The following ANKRD17 variants were observed in gnomAD, a reference collection of about 807,000 sequenced individuals.
The protein encoded by ANKRD17 is ankyrin repeat domain 17.
In ANKRD17, 19 loss-of-function variants were observed where a neutral mutation model predicts 229.7. That is an observed-to-expected ratio of 0.08 (90% CI 0.06 to 0.12). The LOEUF (loss-of-function observed/expected upper bound fraction) is 0.12. Among genes scored for constraint, ANKRD17 ranks in the 10% least tolerant of loss-of-function variants. The probability of loss-of-function intolerance (pLI) is 1.00; values close to 1 mark genes in which losing one functional copy is unlikely to be tolerated. For missense variants in ANKRD17, 2,176 were observed against 3,176.8 expected, an observed-to-expected ratio of 0.68 and a Z score of 7.57; for synonymous variants, 1,112 against 1,146.1, an observed-to-expected ratio of 0.97 and a Z score of 0.60.
At chr4:73,160,741 A>G in intron 3 of ANKRD17, among the ~76,000 whole-genome samples, 1 of 152,340 alleles carries the variant, frequency 6.6e-6, no homozygotes, top group East Asian at 1.9e-4. Context: ...ACTTCTTTTA[A>G]GACTTCAGAA....
intron 27 of ANKRD17, among the ~76,000 whole-genome samples, chr4:73,095,127 T>C (rs1723161393): frequency 6.6e-6 from 1 of 151,720 alleles, no homozygotes; most frequent in Non-Finnish European, 1.5e-5. Context: ...TGGACTGAGA[T>C]TGCACCACTG....
In ANKRD17 at chr4:73,225,973, C is replaced by CTTT. The variant is rs754977999; in HGVS notation, c.393+32300_393+32302dup. On this transcript the variant is annotated intron_variant, in intron 1 of 33. Coordinates refer to ENST00000358602, the MANE Select transcript of ANKRD17 (RefSeq NM_032217.5). ...CTCTGGCATAGAGCAGGCTCTTAAGCTTTTTTTTTTTTTTTTTTTTGAGGC... is the reference window on the plus strand; with the variant it reads ...CTCTGGCATAGAGCAGGCTCTTAAGCTTTTTTTTTTTTTTTTTTTTTTTGAGGC... Among the ~76,000 whole-genome samples, 148 of 92,580 alleles carry CTTT rather than the reference C, an allele frequency of 1.6e-3. 3 individuals carry two copies. Among genetic ancestry groups the CTTT allele is most frequent in the African/African-American group, 2.1e-3 (49 of 23,434 alleles). 60.7% of individuals were successfully genotyped at this position (92,580 alleles called of 152,430 possible).
rs151004505 is a variant in ANKRD17 at position 73,213,985 on chromosome 4, A to G, written c.394-36452T>C. The stretch of plus-strand genomic sequence containing the variant: ...AATATTTCATATATCTGTTTCACTT[A>G]CCACTTAATATTACTCCACAAGCAA... On this transcript the variant is annotated intron_variant, in intron 1 of 33. Transcript: ENST00000358602. Among the ~76,000 whole-genome samples the G allele has an allele frequency of 2.1e-3, 322 of 152,318 alleles. 1 individual carries two copies. The highest frequency in any genetic ancestry group is 6.2e-3 in the South Asian group (30 of 4,832).
At chr4:73,188,096 G>A (rs1044133215) in intron 1 of ANKRD17, among the ~76,000 whole-genome samples, 1 of 151,602 alleles carries the variant, frequency 6.6e-6, no homozygotes, top group Non-Finnish European at 1.5e-5. Flanking sequence ...TCAAAATGAA[G>A]AAATTATACA....
chr4:73,258,622 CCTT>C lies in ANKRD17; in HGVS notation c.44_46del (p.Glu15del). The C allele has an allele frequency of 2.7e-6, 4 of 1,486,546 alleles. No individual in the cohort carries two copies. The highest frequency in any genetic ancestry group is 1.3e-5 in the South Asian group (1 of 78,774). The allele number at this position is 1,486,546 out of a possible 1,614,324, so 92.1% of individuals were successfully genotyped here. A position where few individuals can be genotyped will look rare whatever the true frequency, so the allele number is the denominator to read the frequency against. Reference sequence around the variant, plus strand: ...CGCCACCGCCGGGGGGCTCCCTTCTCCTTCTGCAGCCGTCGCCGCCGCCACCGG... The same window carrying C: ...CGCCACCGCCGGGGGGCTCCCTTCTCCTGCAGCCGTCGCCGCCGCCACCGG... On this transcript the variant is annotated inframe_deletion, in exon 1 of 34. Transcript: ENST00000358602.
Position 73,085,351 on chromosome 4 carries a change from C to T in ANKRD17, c.7057G>A (p.Gly2353Arg), listed in dbSNP as rs139173196. Residue 2353 changes from glycine (G) to arginine (R), a missense_variant, in exon 30 of 34, where the codon GGA (glycine) becomes AGA (arginine). Physicochemically the swap from Gly to Arg is moderately radical, Grantham distance 125 (BLOSUM62 -2). Coordinates refer to ENST00000358602, the MANE Select transcript of ANKRD17 (RefSeq NM_032217.5). ...GCTCCTCCAAGGGGTGCCCCAGGTCCGTACATCTGACCTCCTGAAATGTTT... is the reference window on the plus strand; with the variant it reads ...GCTCCTCCAAGGGGTGCCCCAGGTCTGTACATCTGACCTCCTGAAATGTTT... ...ASNISGGQMY[G>R]PGAPLGGAPA... The T allele has an allele frequency of 2.5e-5, 40 of 1,614,018 alleles. No individual in the cohort carries two copies. The highest frequency in any genetic ancestry group is 4.5e-5 in the East Asian group (2 of 44,858).
Position 73,091,393 on chromosome 4 carries a change from C to T in ANKRD17, c.6235G>A (p.Ala2079Thr). 1.9e-6 allele frequency: 3 copies of T among 1,614,162 alleles called. No individual in the cohort carries two copies. Among genetic ancestry groups the T allele is most frequent in the Admixed American group, 1.7e-5 (1 of 60,030 alleles). The change falls in exon 29 of 34, where the codon GCA becomes ACA. Residue 2079 changes from alanine to threonine, a missense_variant. Ala to Thr is a moderately conservative substitution (Grantham distance 58, BLOSUM62 0). Transcript: ENST00000358602. The stretch of plus-strand genomic sequence containing the variant: ...GTTTCTACTACTGGTGGACTACCTG[C>T]TTCCTGTTCGGAGGAAGATGCCACT... ...NKVASSSEQEAGSPPVVETTN... is the reference protein window; with the variant it reads ...NKVASSSEQETGSPPVVETTN...
At chr4:73,150,578 T>C (rs1248322981) in intron 7 of ANKRD17, among the ~76,000 whole-genome samples, 2 of 152,154 alleles carry the variant, frequency 1.3e-5, no homozygotes, top group African/African-American at 2.4e-5. Context: ...AACACTAAGA[T>C]GGCAATAAGG....
Position 73,258,515 on chromosome 4 carries a change from G to A in ANKRD17, c.154C>T (p.Arg52Cys), listed in dbSNP as rs1326725305. Residue 52 changes from arginine to cysteine, a missense_variant, in exon 1 of 34, where the codon CGT becomes TGT. By Grantham distance (180) the Arg-to-Cys change is radical. Around this residue, in one of 18 missense-constraint regions of ANKRD17, gnomAD observed 196 missense variants for 190.0 expected, o/e 1.03. Coordinates refer to ENST00000358602, the MANE Select transcript of ANKRD17 (RefSeq NM_032217.5). ...SSRARSASSP[R>C]GMVRVCDLLL... ...AGGTCGCAGACTCGCACCATCCCAC[G>A]AGGAGACGAGGCCGAGCGAGCTCTG... 41 of 1,545,208 alleles carry A rather than the reference G, an allele frequency of 2.7e-5. No homozygotes were observed. Among genetic ancestry groups the A allele is most frequent in the Admixed American group, 5.9e-5 (3 of 51,160 alleles).
intron 1 of ANKRD17, among the ~76,000 whole-genome samples, chr4:73,257,441 C>A (rs1745551926): frequency 6.6e-6 from 1 of 152,140 alleles, no homozygotes; most frequent in Non-Finnish European, 1.5e-5. Context: ...TCACCACAAC[C>A]AGGCCTGGCT....
chr4:73,252,698 A>G (rs1017508691), intron 1 of ANKRD17, among the ~76,000 whole-genome samples: 2 of 152,310 alleles, frequency 1.3e-5, no homozygotes, highest in East Asian at 3.9e-4. Context: ...TTTCAAATTA[A>G]TAAGGAGAGA....
chr4:73,204,835 A>C (rs1739236574), intron 1 of ANKRD17, among the ~76,000 whole-genome samples: 1 of 152,196 alleles, frequency 6.6e-6, no homozygotes, highest in Admixed American at 6.5e-5. Context: ...TATTACAAGC[A>C]CTAGAACAAT....
chr4:73,161,120 A>G (rs919252321), intron 3 of ANKRD17, 72 bp downstream of exon 3: 25 of 1,549,442 alleles, frequency 1.6e-5, no homozygotes, highest in Non-Finnish European at 2.2e-5. Flanking sequence ...ATAAATGCTC[A>G]GTAAATGTTA....
chr4:73,219,972 T>C (rs968481932), intron 1 of ANKRD17, among the ~76,000 whole-genome samples: 4 of 152,082 alleles, frequency 2.6e-5, no homozygotes, highest in African/African-American at 9.7e-5. Context: ...ACACTAAATA[T>C]ACAGTAACCA....
intron 6 of ANKRD17, among the ~76,000 whole-genome samples, chr4:73,152,357 A>G (rs940437234): frequency 3.3e-5 from 5 of 151,964 alleles, no homozygotes; most frequent in African/African-American, 4.8e-5. Flanking sequence ...TCAACTACCT[A>G]CCATCCCTTT....
At chr4:73,133,711 A>T (rs556992214) in intron 16 of ANKRD17, among the ~76,000 whole-genome samples, 32 of 151,822 alleles carry the variant, frequency 2.1e-4, no homozygotes, top group Middle Eastern at 3.4e-3. Flanking sequence ...ATTTTTTTTT[A>T]AAAGGCTATG....
intron 1 of ANKRD17, among the ~76,000 whole-genome samples, chr4:73,227,673 C>A (rs1742648086): frequency 6.6e-6 from 1 of 151,548 alleles, no homozygotes; most frequent in African/African-American, 2.4e-5. Flanking sequence ...AAGAGTGAAA[C>A]CTCTCATAAA....
chr4:73,168,762 A>G (rs1733574684), intron 2 of ANKRD17, among the ~76,000 whole-genome samples: 1 of 152,186 alleles, frequency 6.6e-6, no homozygotes, highest in South Asian at 2.1e-4. Flanking sequence ...TTCTGTTTAA[A>G]TGTACGTTTT....
intron 29 of ANKRD17, 72 bp from the exon 30 acceptor site, chr4:73,085,518 A>G (rs2110122555): frequency 7.7e-7 from 1 of 1,305,134 alleles, no homozygotes; most frequent in Non-Finnish European, 1.1e-6. Flanking sequence ...TAAAATTCTA[A>G]AAGGCCCTAA....
Sources: allele counts gnomAD v4.1 joint callset (sites outside exome capture counted in the v4.1 genomes callset), GRCh38; gene constraint gnomAD v4.1.1; regional missense constraint gnomAD v4.1.1; transcripts MANE v1.5; gene names NCBI Gene and HGNC (gene_info 2026-07-23, HGNC 2026-07-21).